The following VAMP4 variants were observed in gnomAD, a reference collection of about 807,000 sequenced individuals.
VAMP4 encodes vesicle associated membrane protein 4, also known as vesicle-associated membrane protein 4.
Under a neutral mutation model 23.5 loss-of-function variants are expected in VAMP4, and 19 were observed. The observed-to-expected ratio is 0.81, with a 90% CI of 0.56 to 1.19. The LOEUF is 1.19. Ranked by LOEUF, VAMP4 falls within the 50% of genes most tolerant of loss-of-function variation. The probability of loss-of-function intolerance (pLI) is 0.00; values close to 1 mark genes in which losing one functional copy is unlikely to be tolerated. For synonymous variants in VAMP4, 31 were observed against 51.0 expected, an observed-to-expected ratio of 0.61 and a Z score of 1.67; for missense variants, 145 against 168.6, an observed-to-expected ratio of 0.86 and a Z score of 0.78.
intron 2 of VAMP4, among the ~76,000 whole-genome samples, chr1:171,734,229 T>C (rs549755872): frequency 1.9e-4 from 27 of 145,294 alleles, no homozygotes; most frequent in African/African-American, 5.2e-4. Flanking sequence ...GATCGCACCA[T>C]TGGACTCCAG....
chr1:171,722,847 CG>C (rs1655239410), intron 3 of VAMP4, among the ~76,000 whole-genome samples: 1 of 147,948 alleles, frequency 6.8e-6, no homozygotes, highest in African/African-American at 2.5e-5. Context: ...AGTCAGTGTG[CG>C]ATTCCTCAGG....
intron 2 of VAMP4, among the ~76,000 whole-genome samples, chr1:171,730,072 AAC>A (rs1655514629): frequency 6.6e-6 from 1 of 152,188 alleles, no homozygotes; most frequent in African/African-American, 2.4e-5. Context: ...AAAGCAAGAA[AAC>A]AGTTTCTTCC....
chr1:171,707,115 A>G lies in VAMP4; in HGVS notation c.346-697T>C, dbSNP rs1233071262. On this transcript the variant is annotated intron_variant, in intron 6 of 7. Coordinates refer to ENST00000236192, the MANE Select transcript of VAMP4 (RefSeq NM_003762.5). The stretch of plus-strand genomic sequence containing the variant: ...CCAAATGGCAGTATTGTATTCATGC[A>G]AGTCCAAAGCTCTCTTATTCCAAAT... 2.0e-5 allele frequency among the ~76,000 whole-genome samples: 3 copies of G among 152,164 alleles called. No individual in the cohort carries two copies. In the East Asian group the frequency reaches 5.8e-4, roughly 29 times the overall value.
intron 4 of VAMP4, among the ~76,000 whole-genome samples, chr1:171,716,268 G>A (rs1558108629): frequency 6.6e-6 from 1 of 152,040 alleles, no homozygotes; most frequent in Non-Finnish European, 1.5e-5. Context: ...TCACTACAGT[G>A]GCATTTATAA....
At chr1:171,713,971 TA>T (rs1472243218) in intron 4 of VAMP4, among the ~76,000 whole-genome samples, 2 of 152,202 alleles carry the variant, frequency 1.3e-5, no homozygotes, top group East Asian at 3.8e-4. Context: ...ACACATGTAA[TA>T]AATCACTATT....
intron 5 of VAMP4, among the ~76,000 whole-genome samples, chr1:171,710,255 G>A (rs188703558): frequency 4.0e-5 from 6 of 150,426 alleles, no homozygotes; most frequent in African/African-American, 1.5e-4. Context: ...AACAATATTT[G>A]AGTGGCAAGT....
At chr1:171,717,566 G>T (rs1448951128) in intron 4 of VAMP4, among the ~76,000 whole-genome samples, 1 of 152,004 alleles carries the variant, frequency 6.6e-6, no homozygotes, top group African/African-American at 2.4e-5. Context: ...CCTAGAAATA[G>T]CTCCTTTGCA....
At chr1:171,706,919 C>T (rs189538787) in intron 6 of VAMP4, among the ~76,000 whole-genome samples, 30 of 152,302 alleles carry the variant, frequency 2.0e-4, no homozygotes, top group African/African-American at 3.8e-4. Context: ...GGAATTTCTA[C>T]GGTAGTTTTT....
At chr1:171,705,001 C>T (rs1218486930) in intron 7 of VAMP4, among the ~76,000 whole-genome samples, 2 of 151,940 alleles carry the variant, frequency 1.3e-5, no homozygotes, top group Non-Finnish European at 2.9e-5. Flanking sequence ...TTTCCAATTG[C>T]TCACTATATA....
chr1:171,735,290 T>C (rs1187012912), intron 2 of VAMP4, among the ~76,000 whole-genome samples: 2 of 152,234 alleles, frequency 1.3e-5, no homozygotes, highest in African/African-American at 4.8e-5. Flanking sequence ...ACTATAAAAT[T>C]AATGGGATTT....
At chr1:171,739,741 T>C (rs941361489) in intron 1 of VAMP4, among the ~76,000 whole-genome samples, 1 of 152,214 alleles carries the variant, frequency 6.6e-6, no homozygotes. Context: ...GAGAAATCTT[T>C]TGGGGGTCTG....
chr1:171,709,011 A>G (rs1654762113), intron 6 of VAMP4, among the ~76,000 whole-genome samples: 2 of 151,718 alleles, frequency 1.3e-5, no homozygotes, highest in South Asian at 2.1e-4. Flanking sequence ...AAAAAAAAAG[A>G]TTTGCTCATA....
intron 1 of VAMP4, among the ~76,000 whole-genome samples, chr1:171,741,401 A>C (rs891296370): frequency 1.3e-5 from 2 of 152,094 alleles, no homozygotes; most frequent in Non-Finnish European, 2.9e-5. Context: ...AAACCTGTCA[A>C]GTGTAACGAT....
At position 171,701,829 on chromosome 1, in the gene VAMP4, C is replaced by T. The variant is rs1033751470; in HGVS notation, c.*2677G>A. 1 of 152,034 alleles carries T rather than the reference C, an allele frequency of 6.6e-6. No individual in the cohort carries two copies. Among genetic ancestry groups the T allele is most frequent in the Admixed American group, 6.6e-5 (1 of 15,252 alleles). The allele number at this position is 152,034 out of a possible 1,614,324, so 9.4% of individuals were successfully genotyped here. On this transcript the variant is annotated 3_prime_UTR_variant, in exon 8 of 8. Transcript: ENST00000236192. ...AGGAACCAAATGACCACAGGTATTACTGAGTTATAATAAGAAGGAGTAACC... is the reference window on the plus strand; with the variant it reads ...AGGAACCAAATGACCACAGGTATTATTGAGTTATAATAAGAAGGAGTAACC...
Position 171,714,488 on chromosome 1 carries a change from A to G in VAMP4, c.165-3674T>C, listed in dbSNP as rs558780072. On this transcript the variant is annotated intron_variant, in intron 4 of 7. Transcript: ENST00000236192. ...TTCATTCAAAAAACATTAAAAAGTT[A>G]TGGCTAGGTGTGGTGGCTCAGGGCT... Among the ~76,000 whole-genome samples, 80 of 152,318 alleles carry G rather than the reference A, an allele frequency of 5.3e-4. 1 individual carries two copies. Among genetic ancestry groups the G allele is most frequent in the African/African-American group, 1.8e-3 (73 of 41,586 alleles).
intron 4 of VAMP4, 138 bp from the exon 5 acceptor site, chr1:171,710,952 T>C (rs1302758185): frequency 6.7e-6 from 4 of 601,432 alleles, no homozygotes; most frequent in Non-Finnish European, 1.1e-5. Flanking sequence ...TAAGACTTTG[T>C]AGCAATGTTC....
chr1:171,739,622 G>A (rs1020024559), intron 1 of VAMP4, among the ~76,000 whole-genome samples: 7 of 152,186 alleles, frequency 4.6e-5, no homozygotes, highest in African/African-American at 1.7e-4. Flanking sequence ...GTAGGATTAA[G>A]CCCTCAACCT....
At chr1:171,705,870 A>G (rs184324431) in intron 7 of VAMP4, among the ~76,000 whole-genome samples, 54 of 152,276 alleles carry the variant, frequency 3.5e-4, no homozygotes, top group African/African-American at 1.2e-3. Flanking sequence ...TCATGCTTTA[A>G]TGATGGAAAT....
chr1:171,739,519 G>T (rs1293130505), intron 1 of VAMP4, among the ~76,000 whole-genome samples: 1 of 152,222 alleles, frequency 6.6e-6, no homozygotes, highest in African/African-American at 2.4e-5. Flanking sequence ...ACAAGGAAGG[G>T]ATTGTGGGAA....
Sources: allele counts gnomAD v4.1 joint callset (sites outside exome capture counted in the v4.1 genomes callset), GRCh38; gene constraint gnomAD v4.1.1; transcripts MANE v1.5; gene names NCBI Gene and HGNC (gene_info 2026-07-23, HGNC 2026-07-21).